The following WDR7 variants were observed in gnomAD, a reference collection of about 807,000 sequenced individuals.
WDR7 encodes WD repeat-containing protein 7.
In WDR7, 46 loss-of-function variants were observed where a neutral mutation model predicts 169.4. The observed-to-expected ratio is 0.27, with a 90% confidence interval of 0.21 to 0.35. The LOEUF (loss-of-function observed/expected upper bound fraction) is 0.35, where lower values mean the gene tolerates loss of function less well. Ranked by LOEUF, WDR7 falls within the 10% of genes least tolerant of loss-of-function variation. WDR7 has a pLI of 1.00. For synonymous variants in WDR7, 612 were observed against 666.8 expected (o/e 0.92, Z 1.27); for missense variants, 1,534 against 1,859.3 (o/e 0.83, Z 3.22).
chr18:56,965,225 G>T (rs2047391337), intron 26 of WDR7, among the ~76,000 whole-genome samples: 1 of 151,958 alleles, frequency 6.6e-6, no homozygotes, highest in African/African-American at 2.4e-5. Flanking sequence ...CCAGTTGGAT[G>T]GAAAAATAAG....
intron 21 of WDR7, among the ~76,000 whole-genome samples, chr18:56,891,437 T>C (rs888312410): frequency 2.6e-5 from 4 of 152,116 alleles, no homozygotes; most frequent in Non-Finnish European, 5.9e-5. Context: ...AGTAAATCAA[T>C]GCATGAAAAA....
intron 20 of WDR7, among the ~76,000 whole-genome samples, chr18:56,859,600 T>C (rs1382303074): frequency 6.6e-6 from 1 of 152,188 alleles, no homozygotes; most frequent in African/African-American, 2.4e-5. Flanking sequence ...AGAAACCCTG[T>C]TATTAGTCCC....
intron 24 of WDR7, 65 bp from the exon 25 acceptor site, chr18:56,939,246 A>G: frequency 8.0e-7 from 1 of 1,242,862 alleles, no homozygotes; most frequent in Non-Finnish European, 1.1e-6. Flanking sequence ...GCCTAAATTA[A>G]TCATTTACAT....
rs189285827 is a variant in WDR7, at chr18:56,658,134, C to T, written c.-20+6558C>T. 2.2e-3 allele frequency among the ~76,000 whole-genome samples: 335 copies of T among 152,244 alleles called. 1 individual carries two copies. Among genetic ancestry groups the T allele is most frequent in the African/African-American group, 7.8e-3 (323 of 41,552 alleles). Reference sequence around the variant, plus strand: ...TTGTTTTGTTTTTGACACAGAATCTCGCTCTGTCGCCCAGGCTAGAGTGCA... The same window carrying T: ...TTGTTTTGTTTTTGACACAGAATCTTGCTCTGTCGCCCAGGCTAGAGTGCA... On this transcript the variant is annotated intron_variant, in intron 1 of 27. Coordinates refer to ENST00000254442, the MANE Select transcript of WDR7 (RefSeq NM_015285.3).
At chr18:57,015,706 TGA>T (rs2048196539) in intron 26 of WDR7, among the ~76,000 whole-genome samples, 2 of 152,230 alleles carry the variant, frequency 1.3e-5, no homozygotes, top group African/African-American at 4.8e-5. Context: ...GCTGTTAACA[TGA>T]GAGAGATGCC....
chr18:56,851,001 C>G (rs534140037), intron 20 of WDR7, among the ~76,000 whole-genome samples: 1 of 152,164 alleles, frequency 6.6e-6, no homozygotes, highest in African/African-American at 2.4e-5. Flanking sequence ...TTTCTGCTCT[C>G]CATTCCTGCA....
chr18:56,915,265 A>G (rs2046609539), intron 21 of WDR7, among the ~76,000 whole-genome samples: 1 of 152,226 alleles, frequency 6.6e-6, no homozygotes, highest in Non-Finnish European at 1.5e-5. Flanking sequence ...TAAAGCAAAG[A>G]AATAGAATTC....
At chr18:57,020,636 G>A in intron 26 of WDR7, 109 bp from the exon 27 acceptor site, 1 of 929,436 alleles carries the variant, frequency 1.1e-6, no homozygotes. Context: ...GAAGATAACA[G>A]CATCTAATAC....
intron 21 of WDR7, among the ~76,000 whole-genome samples, chr18:56,880,448 G>A (rs1317226604): frequency 6.6e-6 from 1 of 152,168 alleles, no homozygotes; most frequent in Non-Finnish European, 1.5e-5. Context: ...ATTTATGAAA[G>A]CTAGATTCAA....
Position 56,885,596 on chromosome 18 carries a change from G to A in WDR7, c.3526+5431G>A, listed in dbSNP as rs528569604. 1.8e-4 allele frequency among the ~76,000 whole-genome samples: 28 copies of A among 151,898 alleles called. 1 individual carries two copies. The South Asian group carries it at 5.4e-3, about 29-fold the overall frequency. Reference sequence around the variant, plus strand: ...TCCCAGCACTTTGGGAGGCCCAGGCGGGCGGATCACGAGGTCAGATCAAGA... The same window carrying A: ...TCCCAGCACTTTGGGAGGCCCAGGCAGGCGGATCACGAGGTCAGATCAAGA... On this transcript the variant is annotated intron_variant, in intron 21 of 27. Coordinates refer to ENST00000254442, the MANE Select transcript of WDR7 (RefSeq NM_015285.3).
chr18:56,802,782 C>T (rs547999973), intron 19 of WDR7, among the ~76,000 whole-genome samples: 39 of 152,186 alleles, frequency 2.6e-4, no homozygotes, highest in African/African-American at 8.4e-4. Flanking sequence ...CTCTTAACAA[C>T]GTCCTTTGCA....
At chr18:56,783,890 A>G (rs1222720945) in intron 19 of WDR7, among the ~76,000 whole-genome samples, 2 of 152,182 alleles carry the variant, frequency 1.3e-5, no homozygotes, top group African/African-American at 4.8e-5. Flanking sequence ...TAAAGGCAAA[A>G]TATAGCCACA....
chr18:57,024,026 T>G (rs941651081), intron 27 of WDR7, among the ~76,000 whole-genome samples: 3 of 152,196 alleles, frequency 2.0e-5, no homozygotes, highest in Non-Finnish European at 4.4e-5. Flanking sequence ...TTATATAAAA[T>G]TTATTAACTC....
chr18:56,835,633 C>T (rs549448792), intron 20 of WDR7, among the ~76,000 whole-genome samples: 191 of 152,204 alleles, frequency 1.3e-3, no homozygotes, highest in African/African-American at 4.4e-3. Context: ...GTATGTGAAA[C>T]TCATTTTGCT....
intron 13 of WDR7, 149 bp downstream of exon 13, chr18:56,718,308 T>C: frequency 1.2e-6 from 1 of 822,268 alleles, no homozygotes; most frequent in Admixed American, 3.2e-5. Flanking sequence ...GGCCTCTTTT[T>C]TGTTCTGCTA....
chr18:56,984,887 C>T (rs1363126851), intron 26 of WDR7, among the ~76,000 whole-genome samples: 14 of 152,106 alleles, frequency 9.2e-5, no homozygotes, highest in Admixed American at 9.2e-4. Context: ...CCTTCCCTGG[C>T]TGTATTGATT....
chr18:56,723,458 A>T (rs1241483145), intron 13 of WDR7, among the ~76,000 whole-genome samples: 1 of 151,882 alleles, frequency 6.6e-6, no homozygotes, highest in Non-Finnish European at 1.5e-5. Context: ...TTTTATCTTC[A>T]TTTTTAAAGG....
At chr18:56,987,510 T>A (rs1367042989) in intron 26 of WDR7, among the ~76,000 whole-genome samples, 1 of 152,190 alleles carries the variant, frequency 6.6e-6, no homozygotes, top group East Asian at 1.9e-4. Flanking sequence ...TTGATAAAGA[T>A]AATTGATGTT....
Position 56,652,603 on chromosome 18 carries a change from C to G in WDR7, c.-20+1027C>G, listed in dbSNP as rs534034777. 1.1e-3 allele frequency among the ~76,000 whole-genome samples: 167 copies of G among 152,274 alleles called. 1 individual carries two copies. The highest frequency in any genetic ancestry group is 2.1e-3 in the Non-Finnish European group (145 of 68,020). ...ACAAAGAATAAAAAACTGTCTAGTT[C>G]CATCCAGAACAATACATATTAGTTA... On this transcript the variant is annotated intron_variant, in intron 1 of 27. Transcript: ENST00000254442.
Sources: allele counts gnomAD v4.1 joint callset (sites outside exome capture counted in the v4.1 genomes callset), GRCh38; gene constraint gnomAD v4.1.1; transcripts MANE v1.5; gene names NCBI Gene and HGNC (gene_info 2026-07-23, HGNC 2026-07-21).